The following ART1 variants were observed in gnomAD, a reference collection of about 807,000 sequenced individuals.
ART1 encodes ADP-ribosyltransferase 1.
Under a neutral mutation model 27.0 loss-of-function variants are expected in ART1, and 29 were observed. That is an observed-to-expected ratio of 1.08 (90% CI 0.80 to 1.47). ART1 has a LOEUF of 1.47. ART1 is among the 40% of genes most tolerant of loss of function. ART1 has a pLI of 0.00. For missense variants in ART1, 480 were observed against 423.0 expected, an observed-to-expected ratio of 1.13 and a Z score of -1.18; for synonymous variants, 201 against 172.2, an observed-to-expected ratio of 1.17 and a Z score of -1.31.
At chr11:3,647,083 G>A (rs761509580) in intron 1 of ART1, among the ~76,000 whole-genome samples, 3 of 152,142 alleles carry the variant, frequency 2.0e-5, no homozygotes, top group Non-Finnish European at 4.4e-5. Flanking sequence ...CACTTTAGGA[G>A]GCCGAGGCGG....
chr11:3,653,823 G>C (rs878943931), intron 1 of ART1, among the ~76,000 whole-genome samples: 1 of 135,304 alleles, frequency 7.4e-6, no homozygotes, highest in Non-Finnish European at 1.6e-5. Context: ...TCTCCCATCA[G>C]ACATCAAGTC....
intron 1 of ART1, among the ~76,000 whole-genome samples, chr11:3,651,350 T>A (rs2077520487): frequency 6.6e-6 from 1 of 151,022 alleles, no homozygotes; most frequent in Non-Finnish European, 1.5e-5. Flanking sequence ...CCAAATTTCA[T>A]CCTCATCTGT....
At chr11:3,661,277 T>G in intron 3 of ART1, 95 bp from the exon 4 acceptor site, 2 of 1,184,778 alleles carry the variant, frequency 1.7e-6, no homozygotes, top group South Asian at 1.5e-5. Context: ...CAACTTCTCC[T>G]AGAACAAGTC....
intron 1 of ART1, among the ~76,000 whole-genome samples, chr11:3,651,941 T>C (rs2133951257): frequency 6.6e-6 from 1 of 150,694 alleles, no homozygotes; most frequent in East Asian, 1.9e-4. Context: ...CCAGGCTTAA[T>C]CGCCACACAC....
intron 4 of ART1, among the ~76,000 whole-genome samples, chr11:3,663,063 C>CTCATCTCATCTCA (rs1564786952): frequency 2.1e-5 from 2 of 95,650 alleles, no homozygotes; most frequent in Non-Finnish European, 4.2e-5. Context: ...CTCATCTCAT[C>CTCATCTCATCTCA]TCATCTCATC....
intron 1 of ART1, among the ~76,000 whole-genome samples, chr11:3,655,157 G>A (rs1448528094): frequency 6.6e-6 from 1 of 152,172 alleles, no homozygotes; most frequent in Non-Finnish European, 1.5e-5. Context: ...GCTGGGCTCA[G>A]GTCTGTTCCT....
chr11:3,655,019 C>G (rs577273286), intron 1 of ART1, among the ~76,000 whole-genome samples: 3 of 152,310 alleles, frequency 2.0e-5, no homozygotes, highest in East Asian at 3.9e-4. Flanking sequence ...ATCTCAGTGG[C>G]AAACAAACAT....
intron 1 of ART1, among the ~76,000 whole-genome samples, chr11:3,649,627 G>A (rs1434441081): frequency 2.6e-5 from 4 of 152,182 alleles, no homozygotes; most frequent in African/African-American, 7.2e-5. Flanking sequence ...CTCAGCCTCA[G>A]CTCCTCCACC....
rs561702333 is a variant in ART1 at position 3,650,274 on chromosome 11, A to G, written c.-53+5095A>G. ...CAGCCCAGGATTCCTCCTAAGCCGT[A>G]TCCCATCTGTGTGGGACCCCACTGA... On this transcript the variant is annotated intron_variant, in intron 1 of 4. Transcript: ENST00000250693. Among the ~76,000 whole-genome samples the G allele has an allele frequency of 9.2e-5, 14 of 152,286 alleles. No homozygotes were observed. The South Asian group carries it at 1.2e-3, about 14-fold the overall frequency.
chr11:3,648,781 G>A (rs1213350225), intron 1 of ART1, among the ~76,000 whole-genome samples: 1 of 151,738 alleles, frequency 6.6e-6, no homozygotes, highest in Non-Finnish European at 1.5e-5. Flanking sequence ...CTTTTCTGGA[G>A]GAGGGGTAAG....
chr11:3,651,505 G>A (rs2077521471), intron 1 of ART1, among the ~76,000 whole-genome samples: 1 of 142,468 alleles, frequency 7.0e-6, no homozygotes, highest in South Asian at 2.2e-4. Context: ...TTACACAAGA[G>A]CCAGGACCGC....
intron 1 of ART1, among the ~76,000 whole-genome samples, chr11:3,646,774 A>G (rs1319453140): frequency 6.6e-6 from 1 of 152,134 alleles, no homozygotes; most frequent in Non-Finnish European, 1.5e-5. Context: ...TGCTTCAGGG[A>G]GTTCACATTT....
chr11:3,653,665 C>G (rs541801302), intron 1 of ART1, among the ~76,000 whole-genome samples: 6 of 152,252 alleles, frequency 3.9e-5, no homozygotes, highest in Middle Eastern at 6.8e-3. Context: ...TTTTTTAAAT[C>G]TACTCCGCTT....
intron 2 of ART1, 48 bp from the exon 3 acceptor site, chr11:3,659,535 T>A (rs775699699): frequency 6.5e-7 from 1 of 1,529,600 alleles, no homozygotes; most frequent in South Asian, 1.3e-5. Context: ...GGGGACTCAT[T>A]CTCCCAGGGG....
At chr11:3,658,386 A>G (rs1421192860) in intron 1 of ART1, among the ~76,000 whole-genome samples, 1 of 151,166 alleles carries the variant, frequency 6.6e-6, no homozygotes, top group Non-Finnish European at 1.5e-5. Flanking sequence ...GCCTGCTCCA[A>G]TCCAGACCCA....
chr11:3,664,303 G>A lies in ART1; in HGVS notation c.*114G>A. On this transcript the variant is annotated 3_prime_UTR_variant, in exon 5 of 5. Coordinates refer to ENST00000250693, the MANE Select transcript of ART1 (RefSeq NM_004314.3). ...GTCAATCCCATCTGCAGGGAACTCTGGGACCTTCTCTGGTAGCTGCCAGAC... is the reference window on the plus strand; with the variant it reads ...GTCAATCCCATCTGCAGGGAACTCTAGGACCTTCTCTGGTAGCTGCCAGAC... 3.9e-6 allele frequency: 4 copies of A among 1,030,932 alleles called. No individual in the cohort carries two copies. In the South Asian group the frequency reaches 5.8e-5, roughly 15 times the overall value. The allele number at this position is 1,030,932 out of a possible 1,614,324, so 63.9% of individuals were successfully genotyped here. A position where few individuals can be genotyped will look rare whatever the true frequency, so the allele number is the denominator to read the frequency against.
intron 1 of ART1, among the ~76,000 whole-genome samples, chr11:3,646,008 A>G (rs1475623688): frequency 6.6e-6 from 1 of 151,896 alleles, no homozygotes; most frequent in African/African-American, 2.4e-5. Flanking sequence ...GGGCCAGGAT[A>G]AGGACGCTGG....
chr11:3,654,827 A>T (rs1308733361), intron 1 of ART1, among the ~76,000 whole-genome samples: 6 of 152,152 alleles, frequency 3.9e-5, no homozygotes, highest in Non-Finnish European at 8.8e-5. Flanking sequence ...CCATTCTCTT[A>T]CTCAGGTCCA....
chr11:3,663,089 A>ATCTCATCATCTCATCTCATCATCTCATC (rs751116037), intron 4 of ART1, among the ~76,000 whole-genome samples: 2 of 87,108 alleles, frequency 2.3e-5, no homozygotes, highest in African/African-American at 8.9e-5. Flanking sequence ...ATCTCATCTC[A>ATCTCATCATCTCATCTCATCATCTCATC]TCATCTCATC....
Sources: allele counts gnomAD v4.1 joint callset (sites outside exome capture counted in the v4.1 genomes callset), GRCh38; gene constraint gnomAD v4.1.1; transcripts MANE v1.5; gene names NCBI Gene and HGNC (gene_info 2026-07-23, HGNC 2026-07-21).